RARB: variants seen among roughly 807,000 people sequenced by gnomAD.
RARB encodes the protein HBV-activated protein.
In RARB, 17 loss-of-function variants were observed where a neutral mutation model predicts 51.9. That is an observed-to-expected ratio of 0.33 (90% CI 0.22 to 0.49). The LOEUF is 0.49. Ranked by LOEUF, RARB falls within the 20% of genes least tolerant of loss-of-function variation. The pLI is 0.99. For missense variants in RARB, 369 were observed against 550.8 expected, an observed-to-expected ratio of 0.67 and a Z score of 3.30; for synonymous variants, 215 against 195.4, an observed-to-expected ratio of 1.10 and a Z score of -0.84.
intron 2 of RARB, among the ~76,000 whole-genome samples, chr3:24,988,718 A>G (rs1167180490): frequency 6.6e-6 from 1 of 152,238 alleles, no homozygotes; most frequent in Non-Finnish European, 1.5e-5. Flanking sequence ...TTATTGTTAG[A>G]CATAGGTCTA....
chr3:25,542,751 G>A (rs1699437288), intron 3 of RARB, among the ~76,000 whole-genome samples: 1 of 152,214 alleles, frequency 6.6e-6, no homozygotes, highest in Admixed American at 6.5e-5. Context: ...AACAGCATTA[G>A]TAACTGCCAT....
chr3:25,000,350 C>G (rs1697133151), intron 2 of RARB, among the ~76,000 whole-genome samples: 1 of 152,060 alleles, frequency 6.6e-6, no homozygotes, highest in Non-Finnish European at 1.5e-5. Context: ...CAAGTAATAC[C>G]ATGACCACTA....
At position 25,227,357 on chromosome 3, in the gene RARB, T is replaced by A. The variant is rs533478279; in HGVS notation, c.178+52782T>A. ...AGGGGAATTTATTTGATGTTCATTA[T>A]GAAAGCACTACAGAAATTTCATACT... On this transcript the variant is annotated intron_variant, in intron 5 of 11. Transcript: ENST00000383772. Among the ~76,000 whole-genome samples the A allele has an allele frequency of 2.6e-5, 4 of 152,356 alleles. No homozygotes were observed. In the South Asian group the frequency reaches 8.3e-4, roughly 32 times the overall value.
At chr3:25,045,918 T>C (rs1397173204) in intron 2 of RARB, among the ~76,000 whole-genome samples, 1 of 152,252 alleles carries the variant, frequency 6.6e-6, no homozygotes, top group African/African-American at 2.4e-5. Context: ...TAGTATTTTA[T>C]TATACATAGG....
At chr3:25,239,010 A>G (rs1702368913) in intron 5 of RARB, among the ~76,000 whole-genome samples, 2 of 152,174 alleles carry the variant, frequency 1.3e-5, no homozygotes, top group South Asian at 4.1e-4. Flanking sequence ...TAACTGGGGT[A>G]GGATGATAGC....
At chr3:25,148,464 T>C (rs1452172143) in intron 4 of RARB, among the ~76,000 whole-genome samples, 9 of 152,202 alleles carry the variant, frequency 5.9e-5, no homozygotes, top group Non-Finnish European at 1.3e-4. Flanking sequence ...AAGAAATATC[T>C]CTTTTAAGGG....
chr3:25,327,577 C>T (rs1704763381), intron 5 of RARB, among the ~76,000 whole-genome samples: 2 of 152,180 alleles, frequency 1.3e-5, no homozygotes, highest in South Asian at 4.1e-4. Flanking sequence ...TACGTAAGGT[C>T]TCAGAATGTT....
intron 2 of RARB, among the ~76,000 whole-genome samples, chr3:24,884,257 T>G (rs1575053184): frequency 6.6e-6 from 1 of 152,222 alleles, no homozygotes; most frequent in Non-Finnish European, 1.5e-5. Context: ...TGAAAATGTC[T>G]GTGAAACTGT....
intron 2 of RARB, among the ~76,000 whole-genome samples, chr3:25,042,995 T>C (rs1471224665): frequency 6.6e-6 from 1 of 152,194 alleles, no homozygotes; most frequent in Admixed American, 6.5e-5. Flanking sequence ...CAGACGAAAA[T>C]GCTGAAAGCA....
intron 2 of RARB, among the ~76,000 whole-genome samples, chr3:25,021,894 G>T (rs1168991492): frequency 6.6e-6 from 1 of 152,072 alleles, no homozygotes; most frequent in African/African-American, 2.4e-5. Flanking sequence ...GAGGCAGATT[G>T]TATTTATACA....
intron 5 of RARB, among the ~76,000 whole-genome samples, chr3:25,588,216 G>A (rs1701477691): frequency 6.6e-6 from 1 of 152,200 alleles, no homozygotes. Context: ...TCATATGGGT[G>A]AATCACACAG....
At chr3:25,185,164 T>G (rs1318485189) in intron 5 of RARB, among the ~76,000 whole-genome samples, 1 of 152,176 alleles carries the variant, frequency 6.6e-6, no homozygotes, top group Admixed American at 6.5e-5. Context: ...TTTTTTAATT[T>G]CAGAATTCTC....
At chr3:24,917,892 G>A (rs546587431) in intron 2 of RARB, among the ~76,000 whole-genome samples, 58 of 152,316 alleles carry the variant, frequency 3.8e-4, no homozygotes, top group African/African-American at 1.4e-3. Flanking sequence ...TATAAGTAAA[G>A]AGACAAAGTA....
intron 2 of RARB, among the ~76,000 whole-genome samples, chr3:24,873,559 C>G (rs917672020): frequency 5.3e-5 from 8 of 151,684 alleles, no homozygotes; most frequent in African/African-American, 1.7e-4. Context: ...TGGGTTCTCT[C>G]TACAGTAAGT....
intron 2 of RARB, among the ~76,000 whole-genome samples, chr3:24,923,701 G>T (rs1011558720): frequency 2.6e-5 from 4 of 152,128 alleles, no homozygotes; most frequent in African/African-American, 9.7e-5. Flanking sequence ...ACAGCTAGCT[G>T]AATCACGTGG....
chr3:24,904,274 ACAC>A (rs141238807), intron 2 of RARB, among the ~76,000 whole-genome samples: 2,053 of 152,312 alleles, frequency 0.013, 50 homozygotes, highest in African/African-American at 0.047. Flanking sequence ...TGAGAAACAG[ACAC>A]CACGATGGGA....
intron 2 of RARB, among the ~76,000 whole-genome samples, chr3:24,898,917 C>T (rs1274361710): frequency 2.6e-5 from 4 of 152,182 alleles, no homozygotes; most frequent in African/African-American, 4.8e-5. Context: ...ACAGAGGGCT[C>T]TTCTCCATAA....
intron 5 of RARB, among the ~76,000 whole-genome samples, chr3:25,388,812 C>CT (rs1235551369): frequency 4.6e-5 from 7 of 151,842 alleles, no homozygotes; most frequent in African/African-American, 1.5e-4. Context: ...GGTAGGAAGG[C>CT]TTTTTTTCTA....
chr3:25,174,464 A>G (rs1700703289), exon 5 of RARB: 2 of 1,352,076 alleles, frequency 1.5e-6, no homozygotes, highest in Non-Finnish European at 2.0e-6. Flanking sequence ...CTATCCAGCC[A>G]CACCCTACCC....
Sources: gnomAD v4.1 joint callset for allele counts (sites outside exome capture counted in the v4.1 genomes callset) on GRCh38, gnomAD v4.1.1 for gene constraint, MANE v1.5 for transcripts, NCBI Gene and HGNC (gene_info 2026-07-23, HGNC 2026-07-21) for gene names.